The following UBAP2L variants were observed in gnomAD, a reference collection of about 807,000 sequenced individuals.
UBAP2L encodes ubiquitin-associated protein 2-like.
UBAP2L carries 12 observed loss-of-function variants against 130.6 expected under a neutral mutation model. The ratio of observed to expected loss-of-function variants is 0.09; its 90% CI spans 0.06 to 0.15. The LOEUF (loss-of-function observed/expected upper bound fraction) is 0.15. UBAP2L is among the 10% of genes least tolerant of loss of function. UBAP2L has a pLI of 1.00. For synonymous variants in UBAP2L, 503 were observed against 524.7 expected (o/e 0.96, Z 0.57); for missense variants, 965 against 1,332.5 (o/e 0.72, Z 4.29).
chr1:154,238,616 C>T (rs1341641105), intron 8 of UBAP2L, among the ~76,000 whole-genome samples: 4 of 152,144 alleles, frequency 2.6e-5, no homozygotes, highest in Non-Finnish European at 5.9e-5. Context: ...GAAAAGGGAG[C>T]AGATGTGCAA....
chr1:154,255,208 C>G lies in UBAP2L; in HGVS notation c.1966C>G (p.Leu656Val). Residue 656 changes from leucine to valine, a missense_variant, in exon 17 of 27, where the codon CTC becomes GTC. Physicochemically the swap from Leu to Val is conservative, Grantham distance 32 (BLOSUM62 1). This residue lies in a region of UBAP2L where 393 missense variants were observed against 408.1 expected (regional missense o/e 0.96). Coordinates refer to ENST00000428931, the MANE Select transcript of UBAP2L (RefSeq NM_014847.4). Reference protein sequence around the residue: ...DSPSTSSIPPLNETVSAASLL... With the variant: ...DSPSTSSIPPVNETVSAASLL... ...ACCTTCCACTTCTAGCATCCCCCCT[C>G]TCAATGAAACGGTATCTGCAGCTTC... The G allele has an allele frequency of 1.2e-6, 2 of 1,614,204 alleles. No individual in the cohort carries two copies. Among genetic ancestry groups the G allele is most frequent in the East Asian group, 2.2e-5 (1 of 44,886 alleles).
chr1:154,270,479 A>G lies in UBAP2L; in HGVS notation c.*184A>G, dbSNP rs1338140894. On this transcript the variant is annotated 3_prime_UTR_variant, in exon 27 of 27. Coordinates refer to ENST00000428931, the MANE Select transcript of UBAP2L (RefSeq NM_014847.4). The stretch of plus-strand genomic sequence containing the variant: ...ATACCATCCCCACCCTGTTGTATGT[A>G]TTATAGGATTTGTATTTTCTCCTTT... 2 of 1,467,824 alleles carry G rather than the reference A, an allele frequency of 1.4e-6. No homozygotes were observed. The highest frequency in any genetic ancestry group is 1.3e-5 in the South Asian group (1 of 75,342). The allele number at this position is 1,467,824 out of a possible 1,614,324, so 90.9% of individuals were successfully genotyped here.
chr1:154,230,870 C>A (rs1669609618), intron 4 of UBAP2L, among the ~76,000 whole-genome samples: 1 of 152,174 alleles, frequency 6.6e-6, no homozygotes, highest in Non-Finnish European at 1.5e-5. Flanking sequence ...TCTCCTGACC[C>A]ATCTTGTGCC....
chr1:154,232,522 C>G (rs369829339), intron 4 of UBAP2L, among the ~76,000 whole-genome samples: 122 of 152,150 alleles, frequency 8.0e-4, no homozygotes, highest in African/African-American at 2.7e-3. Context: ...GACTTTCCCT[C>G]TTGCAGTTAG....
chr1:154,235,749 A>G (rs1421986705), intron 6 of UBAP2L, among the ~76,000 whole-genome samples: 1 of 152,102 alleles, frequency 6.6e-6, no homozygotes, highest in African/African-American at 2.4e-5. Flanking sequence ...ACCTAAAGTG[A>G]TGCGCCCGCC....
At chr1:154,261,443 T>C (rs1253623801) in intron 23 of UBAP2L, 149 bp from the exon 24 acceptor site, 2 of 779,254 alleles carry the variant, frequency 2.6e-6, no homozygotes, top group African/African-American at 3.5e-5. Flanking sequence ...CTAGAACAGT[T>C]AGTAAGGAGC....
At chr1:154,260,070 G>A (rs1164679168) in intron 22 of UBAP2L, 41 bp downstream of exon 22, 2 of 1,594,654 alleles carry the variant, frequency 1.3e-6, no homozygotes, top group East Asian at 2.2e-5. Context: ...AAGGGAGATA[G>A]TGTTGGGATT....
intron 3 of UBAP2L, 59 bp from the exon 4 acceptor site, chr1:154,228,556 T>TAG: frequency 7.6e-7 from 1 of 1,321,150 alleles, no homozygotes; most frequent in Non-Finnish European, 1.1e-6. Context: ...CCTAGTTTCC[T>TAG]TTCATTGGGA....
rs138078372 is a variant in UBAP2L at position 154,222,216 on chromosome 1, A to G, written c.-41+1241A>G. On this transcript the variant is annotated intron_variant, in intron 1 of 26. Transcript: ENST00000428931. ...GCATATCCTGTTTTGGGGATACCTGATGTGACTTGCTGGGAGGTGATGGAC... is the reference window on the plus strand; with the variant it reads ...GCATATCCTGTTTTGGGGATACCTGGTGTGACTTGCTGGGAGGTGATGGAC... Among the ~76,000 whole-genome samples, 52 of 152,174 alleles carry G rather than the reference A, an allele frequency of 3.4e-4. 1 individual carries two copies. The East Asian group carries it at 9.1e-3, about 27-fold the overall frequency.
chr1:154,252,066 C>G (rs370333979), intron 14 of UBAP2L, among the ~76,000 whole-genome samples: 1 of 151,730 alleles, frequency 6.6e-6, no homozygotes, highest in Non-Finnish European at 1.5e-5. Context: ...CTCTGCCACC[C>G]GGGTTCAAGC....
At chr1:154,264,368 G>A (rs1391399299) in intron 24 of UBAP2L, among the ~76,000 whole-genome samples, 1 of 152,136 alleles carries the variant, frequency 6.6e-6, no homozygotes, top group African/African-American at 2.4e-5. Flanking sequence ...GTCACTGTTT[G>A]GGGATAAGTA....
chr1:154,258,472 C>T (rs565520951), intron 20 of UBAP2L, among the ~76,000 whole-genome samples: 33 of 152,260 alleles, frequency 2.2e-4, no homozygotes, highest in African/African-American at 6.5e-4. Context: ...TATATGGAAA[C>T]GTTTTAGAAG....
At position 154,254,057 on chromosome 1, in the gene UBAP2L, T is replaced by C; in HGVS notation, c.1822T>C (p.Ser608Pro). The C allele has an allele frequency of 1.3e-6, 2 of 1,595,448 alleles. No individual in the cohort carries two copies. The highest frequency in any genetic ancestry group is 1.7e-6 in the Non-Finnish European group (2 of 1,172,196). ...QTRRYPSSIS[S>P]SPQKDLTQAK... ...TCGGCGGTACCCCAGCTCCATCTCT[T>C]CATCACCCCAAAAGGACCTGACTCA... Residue 608 changes from serine to proline, a missense_variant, in exon 15 of 27, where the codon TCA becomes CCA. By Grantham distance (74) the Ser-to-Pro change is moderately conservative (BLOSUM62 -1). Transcript: ENST00000428931.
At chr1:154,238,671 ATCG>A (rs1672468958) in intron 8 of UBAP2L, among the ~76,000 whole-genome samples, 1 of 152,140 alleles carries the variant, frequency 6.6e-6, no homozygotes, top group South Asian at 2.1e-4. Flanking sequence ...TGACGCCACT[ATCG>A]TCTTGTTAGT....
chr1:154,235,281 C>T lies in UBAP2L; in HGVS notation c.534C>T (p.Gly178=), dbSNP rs576151360. The T allele has an allele frequency of 3.9e-6, 3 of 777,030 alleles. No individual in the cohort carries two copies. Among genetic ancestry groups the T allele is most frequent in the Non-Finnish European group, 4.8e-6 (2 of 417,130 alleles). The allele number at this position is 777,030 out of a possible 1,614,324, so 48.1% of individuals were successfully genotyped here. Residue 178 remains glycine, a synonymous_variant, in exon 6 of 27, where the codon GGC becomes GGT. Transcript: ENST00000428931. ...RGTERGRRGR[G]RGRGGSGRRG... ...CAGAAAGAGGCAGAAGGGGCCGTGG[C>T]CGAGGCAGAGGTGATCAGTTTGTTG...
At chr1:154,255,831 G>T (rs1411491541) in intron 18 of UBAP2L, 76 bp downstream of exon 18, 1 of 1,550,608 alleles carries the variant, frequency 6.4e-7, no homozygotes, top group African/African-American at 1.4e-5. Flanking sequence ...TCCCAAGAGA[G>T]AATTATTGAA....
Position 154,253,996 on chromosome 1 carries a change from T to A in UBAP2L, c.1761T>A (p.Ala587=), listed in dbSNP as rs767801019. ...CAACCTATACCTCCCAAAATAATGC[T>A]CAGGGCCCTCTTTATGAACAGAGAT... ...QSTTYTSQNN[A]QGPLYEQRST... is the part of the protein sequence containing the mutation. The change falls in exon 15 of 27, where the codon GCT becomes GCA. Residue 587 remains alanine, a synonymous_variant. Transcript: ENST00000428931. 7 of 1,612,552 alleles carry A rather than the reference T, an allele frequency of 4.3e-6. No homozygotes were observed. The African/African-American group carries it at 9.4e-5, about 22-fold the overall frequency.
intron 26 of UBAP2L, chr1:154,269,199 C>T: frequency 2.4e-6 from 2 of 824,150 alleles, no homozygotes; most frequent in South Asian, 1.7e-5. Flanking sequence ...CCTTCTCCTC[C>T]TGTGCCACAG....
At chr1:154,225,969 A>G (rs1167584892) in intron 2 of UBAP2L, among the ~76,000 whole-genome samples, 1 of 152,196 alleles carries the variant, frequency 6.6e-6, no homozygotes, top group African/African-American at 2.4e-5. Flanking sequence ...GTGTGCTACC[A>G]TGCCCAGCTA....
Sources: gnomAD v4.1 joint callset for allele counts (sites outside exome capture counted in the v4.1 genomes callset) on GRCh38, gnomAD v4.1.1 for gene constraint, gnomAD v4.1.1 regional missense constraint, MANE v1.5 for transcripts, NCBI Gene and HGNC (gene_info 2026-07-23, HGNC 2026-07-21) for gene names.